PTPRM: variants seen among roughly 807,000 people sequenced by gnomAD.
PTPRM encodes the protein protein tyrosine phosphatase receptor type M, also known as receptor-type tyrosine-protein phosphatase mu.
Under a neutral mutation model 186.7 loss-of-function variants are expected in PTPRM, and 47 were observed. That is an observed-to-expected ratio of 0.25 (90% CI 0.20 to 0.32). PTPRM has a LOEUF of 0.32. PTPRM is among the 10% of genes least tolerant of loss of function. The pLI is 1.00. For missense variants in PTPRM, 1,494 were observed against 1,865.0 expected (o/e 0.80, Z 3.66); for synonymous variants, 668 against 674.9 (o/e 0.99, Z 0.16).
chr18:8,024,136 G>A (rs565940798), intron 7 of PTPRM, among the ~76,000 whole-genome samples: 1 of 152,044 alleles, frequency 6.6e-6, no homozygotes, highest in Non-Finnish European at 1.5e-5. Context: ...GGACAGAAAT[G>A]ATTTTTAATA....
At chr18:8,109,242 G>A (rs1055959636) in intron 11 of PTPRM, among the ~76,000 whole-genome samples, 1 of 152,148 alleles carries the variant, frequency 6.6e-6, no homozygotes, top group African/African-American at 2.4e-5. Flanking sequence ...ATGGCAATTG[G>A]GCAGCAGATA....
intron 13 of PTPRM, among the ~76,000 whole-genome samples, chr18:8,130,050 C>A (rs2092464941): frequency 6.6e-6 from 1 of 152,158 alleles, no homozygotes; most frequent in African/African-American, 2.4e-5. Context: ...TTCTAAGATT[C>A]TATCATGTTA....
chr18:7,614,380 A>T (rs986824709), intron 1 of PTPRM, among the ~76,000 whole-genome samples: 1 of 152,196 alleles, frequency 6.6e-6, no homozygotes, highest in African/African-American at 2.4e-5. Flanking sequence ...GTGATCAAAC[A>T]TCATTTAGAA....
At chr18:7,603,221 C>T (rs938039516) in intron 1 of PTPRM, among the ~76,000 whole-genome samples, 1 of 152,114 alleles carries the variant, frequency 6.6e-6, no homozygotes, top group African/African-American at 2.4e-5. Flanking sequence ...AGCCACCGTG[C>T]CCGGCCTGGA....
At chr18:8,401,362 T>C (rs2095871220) in intron 32 of PTPRM, among the ~76,000 whole-genome samples, 1 of 152,178 alleles carries the variant, frequency 6.6e-6, no homozygotes, top group African/African-American at 2.4e-5. Flanking sequence ...CATGCTGCTG[T>C]CTCGCTGAGC....
At chr18:8,229,799 CTCT>C (rs2094262207) in intron 14 of PTPRM, among the ~76,000 whole-genome samples, 1 of 152,106 alleles carries the variant, frequency 6.6e-6, no homozygotes, top group Admixed American at 6.5e-5. Flanking sequence ...TTATTTGAAC[CTCT>C]TCAACATGAA....
chr18:7,796,143 T>C (rs558372829), intron 2 of PTPRM, among the ~76,000 whole-genome samples: 1 of 150,536 alleles, frequency 6.6e-6, no homozygotes, highest in Non-Finnish European at 1.5e-5. Flanking sequence ...CACACAGCAA[T>C]AACAAAGATG....
intron 5 of PTPRM, among the ~76,000 whole-genome samples, chr18:7,947,662 A>G (rs1030707011): frequency 6.6e-6 from 1 of 151,988 alleles, no homozygotes; most frequent in African/African-American, 2.4e-5. Context: ...AGCGTTTCCT[A>G]TAACTAGAAT....
chr18:8,307,907 C>G lies in PTPRM; in HGVS notation c.2843-6874C>G, dbSNP rs143317391. 2.6e-5 allele frequency among the ~76,000 whole-genome samples: 4 copies of G among 152,270 alleles called. No homozygotes were observed. In the East Asian group the frequency reaches 5.8e-4, roughly 22 times the overall value. On this transcript the variant is annotated intron_variant, in intron 20 of 32. Transcript: ENST00000580170. ...GAACTCACCATCTCAGGAAAATGTG[C>G]CTAGCAAAAGAATTCACAGGGCTCT...
At chr18:7,892,443 T>C (rs1458196373) in intron 3 of PTPRM, among the ~76,000 whole-genome samples, 1 of 152,256 alleles carries the variant, frequency 6.6e-6, no homozygotes, top group Non-Finnish European at 1.5e-5. Context: ...ATTGTCATTT[T>C]CAGTGAATTC....
At chr18:8,205,292 A>G (rs1011909609) in intron 14 of PTPRM, among the ~76,000 whole-genome samples, 4 of 152,160 alleles carry the variant, frequency 2.6e-5, no homozygotes, top group Admixed American at 2.0e-4. Context: ...TAACAATTCA[A>G]TACAAAAAAA....
intron 1 of PTPRM, among the ~76,000 whole-genome samples, chr18:7,685,077 C>G (rs1330477970): frequency 6.6e-6 from 1 of 152,158 alleles, no homozygotes; most frequent in African/African-American, 2.4e-5. Flanking sequence ...ATGATAGGCA[C>G]ACGATTATAA....
intron 19 of PTPRM, among the ~76,000 whole-genome samples, chr18:8,290,866 T>G (rs1264751583): frequency 6.6e-6 from 1 of 152,216 alleles, no homozygotes; most frequent in African/African-American, 2.4e-5. Flanking sequence ...ACCATTAACT[T>G]AAATCCCAAA....
At chr18:8,120,093 C>T (rs1246669994) in intron 13 of PTPRM, among the ~76,000 whole-genome samples, 1 of 152,092 alleles carries the variant, frequency 6.6e-6, no homozygotes, top group Non-Finnish European at 1.5e-5. Context: ...CACAACTACG[C>T]AGGTCTGCTC....
intron 32 of PTPRM, among the ~76,000 whole-genome samples, chr18:8,400,360 T>C (rs532829810): frequency 1.3e-5 from 2 of 152,310 alleles, no homozygotes; most frequent in South Asian, 4.1e-4. Flanking sequence ...TTAAGAACCA[T>C]GTCTGCTCTA....
At chr18:7,737,457 C>T (rs1042486963) in intron 1 of PTPRM, among the ~76,000 whole-genome samples, 1 of 152,310 alleles carries the variant, frequency 6.6e-6, no homozygotes, top group East Asian at 1.9e-4. Flanking sequence ...ATTTGAAACC[C>T]GTATGTAATC....
chr18:7,800,133 G>A (rs2043877897), intron 2 of PTPRM, among the ~76,000 whole-genome samples: 1 of 152,142 alleles, frequency 6.6e-6, no homozygotes, highest in African/African-American at 2.4e-5. Context: ...CCTATTACTA[G>A]TATGAACATT....
chr18:8,222,593 A>G (rs10468776), intron 14 of PTPRM, among the ~76,000 whole-genome samples: 121,968 of 152,152 alleles, frequency 0.8, 49,263 homozygotes, highest in East Asian at 0.87. Context: ...GGGACAGAGA[A>G]TGGTTAATGG....
chr18:7,919,299 A>C (rs2050733056), intron 4 of PTPRM, among the ~76,000 whole-genome samples: 1 of 152,158 alleles, frequency 6.6e-6, no homozygotes. Context: ...GTTCCATATA[A>C]ATTTTAGCAT....
Sources: allele counts gnomAD v4.1 joint callset (sites outside exome capture counted in the v4.1 genomes callset), GRCh38; gene constraint gnomAD v4.1.1; transcripts MANE v1.5; gene names NCBI Gene and HGNC (gene_info 2026-07-23, HGNC 2026-07-21).